IST1: variants seen among roughly 807,000 people sequenced by gnomAD.
IST1 encodes the protein IST1 homolog.
Under a neutral mutation model 37.0 loss-of-function variants are expected in IST1, and 23 were observed. The observed-to-expected ratio is 0.62, with a 90% CI of 0.45 to 0.88. IST1 has a LOEUF of 0.88. Among genes scored for constraint, IST1 ranks in the 40% least tolerant of loss-of-function variants. The pLI is 0.00. For missense variants in IST1, 488 were observed against 445.4 expected, an observed-to-expected ratio of 1.10 and a Z score of -0.86; for synonymous variants, 180 against 161.7, an observed-to-expected ratio of 1.11 and a Z score of -0.86.
intron 1 of IST1, among the ~76,000 whole-genome samples, chr16:71,906,984 C>G (rs1328338602): frequency 6.6e-6 from 1 of 151,936 alleles, no homozygotes; most frequent in African/African-American, 2.4e-5. Context: ...GAGCAGAGAT[C>G]GTGCCACTAC....
chr16:71,927,550 C>T (rs2037775132), intron 9 of IST1, 64 bp from the exon 10 acceptor site: 2 of 1,100,608 alleles, frequency 1.8e-6, no homozygotes, highest in Middle Eastern at 2.0e-4. Context: ...TTTATTTTTA[C>T]TGCCAAAGGG....
In IST1 at chr16:71,913,548, T is replaced by A. The variant is rs775885892; in HGVS notation, c.-15-2078T>A. 2.0e-5 allele frequency among the ~76,000 whole-genome samples: 3 copies of A among 152,176 alleles called. No individual in the cohort carries two copies. The South Asian group carries it at 6.2e-4, about 32-fold the overall frequency. On this transcript the variant is annotated intron_variant, in intron 1 of 9. Coordinates refer to ENST00000378799, the MANE Select transcript of IST1 (RefSeq NM_001270975.2). ...CAGAGTCTTGCTCTCTCACCTAGCC[T>A]GGAATACTGTGGTGTGATCTTGGCT...
In IST1 at chr16:71,929,733, G is replaced by T. The variant is rs544343872; in HGVS notation, c.*1920G>T. 8.8e-5 allele frequency: 126 copies of T among 1,425,326 alleles called. No homozygotes were observed. The East Asian group carries it at 3.1e-3, about 35-fold the overall frequency. The allele number at this position is 1,425,326 out of a possible 1,614,324, so 88.3% of individuals were successfully genotyped here. A position where few individuals can be genotyped will look rare whatever the true frequency, so the allele number is the denominator to read the frequency against. On this transcript the variant is annotated 3_prime_UTR_variant, in exon 10 of 10. Transcript: ENST00000378799. ...GAGAAAATTGAAATTACTGCTAATA[G>T]TGGAGTAAAAAAAGTACCAAAGATT...
chr16:71,915,535 G>A (rs2037448815), intron 1 of IST1, 91 bp from the exon 2 acceptor site: 2 of 761,630 alleles, frequency 2.6e-6, no homozygotes, highest in Non-Finnish European at 4.3e-6. Flanking sequence ...AAAACACTCT[G>A]TTTTTGTTTC....
At chr16:71,920,623 G>A (rs894913787) in intron 4 of IST1, 116 bp from the exon 5 acceptor site, 13 of 678,242 alleles carry the variant, frequency 1.9e-5, no homozygotes, top group Non-Finnish European at 3.1e-5. Flanking sequence ...AGGTTTTGCA[G>A]ACTCCAGTGT....
chr16:71,925,001 T>TA (rs2037704575), intron 9 of IST1, among the ~76,000 whole-genome samples, 184 bp downstream of exon 9: 1 of 151,540 alleles, frequency 6.6e-6, no homozygotes, highest in Non-Finnish European at 1.5e-5. Context: ...TCCTAAGTGA[T>TA]AGCTCAGTGA....
chr16:71,895,992 A>T lies in IST1; in HGVS notation c.-16+403A>T, dbSNP rs115087777. ...GGCCCGGAGAGACTTCGGGAAGGTC[A>T]GAGCTTCCAGTGCCGCGAGAGGCGG... is the stretch of plus-strand genomic sequence containing the variant. On this transcript the variant is annotated intron_variant, in intron 1 of 9. Coordinates refer to ENST00000378799, the MANE Select transcript of IST1 (RefSeq NM_001270975.2). 8.1e-3 allele frequency among the ~76,000 whole-genome samples: 1,235 copies of T among 152,348 alleles called. 17 individuals carry two copies. Among genetic ancestry groups the T allele is most frequent in the African/African-American group, 0.028 (1,168 of 41,584 alleles).
rs1380486754 is a variant in IST1 at position 71,928,211 on chromosome 16, C to T, written c.*398C>T. 1 of 245,292 alleles carries T rather than the reference C, an allele frequency of 4.1e-6. No individual in the cohort carries two copies. Among genetic ancestry groups the T allele is most frequent in the Admixed American group, 5.1e-5 (1 of 19,456 alleles). 15.2% of individuals were successfully genotyped at this position (245,292 alleles called of 1,614,324 possible). A position where few individuals can be genotyped will look rare whatever the true frequency, so the allele number is the denominator to read the frequency against. ...AGCATCCCAGCCTCGTGTTGAGGTT[C>T]CAGACTTAGAAACAGACCCCTCTGT... On this transcript the variant is annotated 3_prime_UTR_variant, in exon 10 of 10. Transcript: ENST00000378799.
Position 71,922,676 on chromosome 16 carries a change from G to A in IST1, c.755G>A (p.Gly252Glu), listed in dbSNP as rs1361709081. 2.0e-6 allele frequency: 3 copies of A among 1,476,252 alleles called. No homozygotes were observed. The highest frequency in any genetic ancestry group is 2.8e-6 in the Non-Finnish European group (3 of 1,082,632). 91.4% of individuals were successfully genotyped at this position (1,476,252 alleles called of 1,614,324 possible). A position where few individuals can be genotyped will look rare whatever the true frequency, so the allele number is the denominator to read the frequency against. The change falls in exon 7 of 10, where the codon GGA becomes GAA. Residue 252 changes from glycine to glutamate, a missense_variant. By Grantham distance (98) the Gly-to-Glu change is moderately conservative (BLOSUM62 -2). This residue lies in a region of IST1 where 455 missense variants were observed against 386.2 expected (regional missense o/e 1.18). Coordinates refer to ENST00000378799, the MANE Select transcript of IST1 (RefSeq NM_001270975.2). ...CCTTTCTCATATCCACTGCCAAAGG[G>A]ACCAGTAAGTATATATAAGTGTGGA... The part of the protein sequence containing the change: ...NTPFSYPLPK[G>E]PSDFNGLPMG...
upstream of IST1, chr16:71,895,232 A>G (rs1448283850): frequency 1.2e-5 from 2 of 168,090 alleles, no homozygotes; most frequent in Non-Finnish European, 2.6e-5. Flanking sequence ...GTGGGCGCAG[A>G]GTCCGAGAAT....
intron 1 of IST1, among the ~76,000 whole-genome samples, chr16:71,897,308 A>T (rs2036996266): frequency 6.6e-6 from 1 of 151,492 alleles, no homozygotes; most frequent in African/African-American, 2.4e-5. Context: ...CCCCAGTGTT[A>T]GTGTTACGTT....
chr16:71,919,714 C>G lies in IST1; in HGVS notation c.358-1025C>G, dbSNP rs538127237. ...GCCTTAGTCATCCTTTAAATCTCAG[C>G]AAAGCATCACTTCCCTCAGGAAGCC... On this transcript the variant is annotated intron_variant, in intron 4 of 9. Coordinates refer to ENST00000378799, the MANE Select transcript of IST1 (RefSeq NM_001270975.2). Among the ~76,000 whole-genome samples the G allele has an allele frequency of 3.3e-5, 5 of 152,290 alleles. No individual in the cohort carries two copies. In the East Asian group the frequency reaches 9.7e-4, roughly 29 times the overall value.
intron 1 of IST1, among the ~76,000 whole-genome samples, chr16:71,909,313 C>G (rs1300423464): frequency 6.6e-6 from 1 of 152,000 alleles, no homozygotes; most frequent in Non-Finnish European, 1.5e-5. Context: ...GCCATGTTGC[C>G]CAGGCTGTTC....
chr16:71,918,583 A>G (rs2142574838), intron 4 of IST1, among the ~76,000 whole-genome samples: 1 of 151,930 alleles, frequency 6.6e-6, no homozygotes, highest in South Asian at 2.1e-4. Flanking sequence ...TGCCCAGCTA[A>G]TTTTTTGTAT....
chr16:71,911,841 G>A (rs1359313305), intron 1 of IST1, among the ~76,000 whole-genome samples: 2 of 150,920 alleles, frequency 1.3e-5, no homozygotes, highest in African/African-American at 2.4e-5. Context: ...TCCTGCCTCC[G>A]GAGTAGCTGG....
chr16:71,899,824 C>A (rs532350241), intron 1 of IST1, among the ~76,000 whole-genome samples: 1 of 152,192 alleles, frequency 6.6e-6, no homozygotes, highest in East Asian at 1.9e-4. Context: ...GAGATCGAGA[C>A]CATCCTGGCT....
upstream of IST1, chr16:71,895,198 C>T (rs1036185526): frequency 5.1e-6 from 1 of 196,172 alleles, no homozygotes; most frequent in South Asian, 7.4e-5. Context: ...AATCCGGAAC[C>T]AAGGCACTGG....
rs79391128 is a variant in IST1, at chr16:71,918,014, G to A, written c.357+880G>A. 6.5e-3 allele frequency among the ~76,000 whole-genome samples: 985 copies of A among 152,258 alleles called. 6 individuals carry two copies. Among genetic ancestry groups the A allele is most frequent in the Middle Eastern group, 0.014 (4 of 294 alleles). ...ACTAAAAAGGAGATTGGAACCTCTCGTGTGCATGGGTGGGTTTTTACTGCC... is the reference window on the plus strand; with the variant it reads ...ACTAAAAAGGAGATTGGAACCTCTCATGTGCATGGGTGGGTTTTTACTGCC... On this transcript the variant is annotated intron_variant, in intron 4 of 9. Coordinates refer to ENST00000378799, the MANE Select transcript of IST1 (RefSeq NM_001270975.2).
intron 1 of IST1, among the ~76,000 whole-genome samples, chr16:71,897,764 G>T (rs930085608): frequency 9.2e-5 from 14 of 151,852 alleles, no homozygotes; most frequent in Non-Finnish European, 1.2e-4. Context: ...TGGACAACAT[G>T]GTGAAACCCT....
Sources: allele counts gnomAD v4.1 joint callset (sites outside exome capture counted in the v4.1 genomes callset), GRCh38; gene constraint gnomAD v4.1.1; regional missense constraint gnomAD v4.1.1; transcripts MANE v1.5; gene names NCBI Gene and HGNC (gene_info 2026-07-23, HGNC 2026-07-21).